CDKL5: variants seen among roughly 807,000 people sequenced by gnomAD.
CDKL5 encodes cyclin dependent kinase like 5.
Under a neutral mutation model 61.7 loss-of-function variants are expected in CDKL5, and 8 were observed. The observed-to-expected ratio is 0.13, with a 90% CI of 0.08 to 0.23. The LOEUF is 0.23. Ranked by LOEUF, CDKL5 falls within the 10% of genes least tolerant of loss-of-function variation. The pLI, the probability that CDKL5 is intolerant of heterozygous loss-of-function variation, is 1.00. For missense variants in CDKL5, 440 were observed against 734.5 expected, an observed-to-expected ratio of 0.60 and a Z score of 4.63; for synonymous variants, 275 against 272.3, an observed-to-expected ratio of 1.01 and a Z score of -0.10.
intron 1 of CDKL5, among the ~76,000 whole-genome samples, chrX:18,438,191 G>A (rs1349413422): frequency 3.6e-5 from 4 of 110,526 alleles, no homozygotes; most frequent in South Asian, 7.8e-4. Context: ...TCAGCCTCCC[G>A]AGTAGCTGGG....
chrX:18,611,025 A>G (rs1264743244), intron 14 of CDKL5, among the ~76,000 whole-genome samples: 3 of 112,340 alleles, frequency 2.7e-5, no homozygotes, highest in Non-Finnish European at 5.6e-5. Context: ...GACTAAATGT[A>G]TATTTAATGA....
chrX:18,568,768 A>G (rs1925048563), intron 4 of CDKL5, among the ~76,000 whole-genome samples: 1 of 110,486 alleles, frequency 9.1e-6, no homozygotes, highest in African/African-American at 3.3e-5. Context: ...GTCATGGCTC[A>G]GTGCAGCCTT....
chrX:18,506,960 G>T lies in CDKL5; in HGVS notation c.-137G>T. 2.0e-6 allele frequency: 1 copy of T among 509,912 alleles called. No homozygotes were observed. Among genetic ancestry groups the T allele is most frequent in the South Asian group, 2.7e-5 (1 of 36,493 alleles). The allele number at this position is 509,912 out of a possible 1,213,427, so 42.0% of individuals were successfully genotyped here. The stretch of plus-strand genomic sequence containing the variant: ...GGAGTCATTTAATACTTCATGATTA[G>T]AACAAATATGTGAAAGTTCCCACCA... On this transcript the variant is annotated 5_prime_UTR_variant, in exon 2 of 18. Coordinates refer to ENST00000623535, the MANE Select transcript of CDKL5 (RefSeq NM_001323289.2).
rs755597463 is a variant in CDKL5 at position 18,650,267 on chromosome X, G to A, written c.2798-143G>A. The A allele has an allele frequency of 1.5e-4, 82 of 552,618 alleles. 1 individual carries two copies. In the South Asian group the frequency reaches 1.6e-3, roughly 11 times the overall value. The allele number at this position is 552,618 out of a possible 1,213,427, so 45.5% of individuals were successfully genotyped here. A position where few individuals can be genotyped will look rare whatever the true frequency, so the allele number is the denominator to read the frequency against. On this transcript the variant is annotated intron_variant, in intron 20 of 21. Transcript: ENST00000379989. ...GGCTCACTCTGCGATCTAAAGACCC[G>A]TGTGTCCAGACGTGGATGCTGTACT...
chrX:18,551,134 T>G (rs942744959), intron 3 of CDKL5, among the ~76,000 whole-genome samples: 5 of 112,195 alleles, frequency 4.5e-5, no homozygotes, highest in Non-Finnish European at 9.4e-5. Flanking sequence ...CATTTTTCAT[T>G]TTGATAACTA....
rs1392508662 is a variant in CDKL5, at chrX:18,574,155, C to G, written c.146-1199C>G. ...CAGCTCTCAAGCTAGGATTCTGGCC[C>G]TTACCCAAAAGCTTGTGGCTACATG... On this transcript the variant is annotated intron_variant, in intron 4 of 17. Coordinates refer to ENST00000623535, the MANE Select transcript of CDKL5 (RefSeq NM_001323289.2). Among the ~76,000 whole-genome samples, 3 of 111,785 alleles carry G rather than the reference C, an allele frequency of 2.7e-5. No individual in the cohort carries two copies. The East Asian group carries it at 8.4e-4, about 31-fold the overall frequency.
chrX:18,556,845 T>C (rs1416239132), intron 3 of CDKL5, among the ~76,000 whole-genome samples: 6 of 84,867 alleles, frequency 7.1e-5, no homozygotes, highest in African/African-American at 2.9e-4. Flanking sequence ...ACCACGCCAC[T>C]GCACTCCAGC....
intron 3 of CDKL5, among the ~76,000 whole-genome samples, chrX:18,530,116 C>A (rs1254526747): frequency 6.5e-5 from 7 of 107,513 alleles, no homozygotes; most frequent in African/African-American, 2.4e-4. Context: ...ATCACAAGGT[C>A]AAAAGATCGA....
chrX:18,504,052 C>CA (rs1319458800), intron 1 of CDKL5, among the ~76,000 whole-genome samples: 2 of 111,079 alleles, frequency 1.8e-5, no homozygotes, highest in Non-Finnish European at 3.8e-5. Context: ...CTGTGCCTGG[C>CA]TAGGATGTTT....
intron 1 of CDKL5, among the ~76,000 whole-genome samples, chrX:18,433,404 G>T (rs1157130388): frequency 1.8e-5 from 2 of 111,391 alleles, no homozygotes. Context: ...TACAAAATTA[G>T]CCGGGCCTGG....
At chrX:18,486,871 C>T (rs1020134945) in intron 1 of CDKL5, among the ~76,000 whole-genome samples, 48 of 110,661 alleles carry the variant, frequency 4.3e-4, no homozygotes, top group African/African-American at 1.4e-3. Context: ...ACCTTGTGGT[C>T]GAAGATATTG....
intron 2 of CDKL5, among the ~76,000 whole-genome samples, chrX:18,508,052 T>C (rs1922649196): frequency 8.9e-6 from 1 of 112,214 alleles, no homozygotes; most frequent in Non-Finnish European, 1.9e-5. Context: ...TTCTGATTTT[T>C]CCTGCTTAGT....
At chrX:18,478,286 CTT>C (rs199921816) in intron 1 of CDKL5, among the ~76,000 whole-genome samples, 191 of 64,886 alleles carry the variant, frequency 2.9e-3, no homozygotes, top group African/African-American at 0.011. Context: ...CTTTTCTTTC[CTT>C]TTTTTTTTTT....
intron 1 of CDKL5, among the ~76,000 whole-genome samples, chrX:18,450,886 T>G (rs2147635063): frequency 9.1e-6 from 1 of 110,488 alleles, no homozygotes; most frequent in East Asian, 2.8e-4. Context: ...TTTTTTTTTT[T>G]TTTAACATGC....
intron 1 of CDKL5, among the ~76,000 whole-genome samples, chrX:18,433,955 T>C (rs1315892574): frequency 1.8e-5 from 2 of 112,462 alleles, no homozygotes; most frequent in Non-Finnish European, 3.7e-5. Context: ...GCAGGCTTCA[T>C]CAAATTTAGG....
chrX:18,620,585 T>G (rs1926861703), intron 16 of CDKL5, among the ~76,000 whole-genome samples: 1 of 111,245 alleles, frequency 9.0e-6, no homozygotes, highest in African/African-American at 3.3e-5. Flanking sequence ...ATCACTTCAC[T>G]GAACCACCCA....
In CDKL5 at chrX:18,633,254, C is replaced by A. The variant is rs1041143848; in HGVS notation, c.*4497C>A. On this transcript the variant is annotated 3_prime_UTR_variant, in exon 18 of 18. Transcript: ENST00000623535. ...TGTGGTAGGGTACACTGAACCAAGTCAGAAAATAGTGAAATATTTCCTTGC... is the reference window on the plus strand; with the variant it reads ...TGTGGTAGGGTACACTGAACCAAGTAAGAAAATAGTGAAATATTTCCTTGC... 2.3e-5 allele frequency: 17 copies of A among 752,661 alleles called. No homozygotes were observed. The Admixed American group carries it at 2.6e-4, about 12-fold the overall frequency. 62.0% of individuals were successfully genotyped at this position (752,661 alleles called of 1,213,427 possible).
At chrX:18,479,787 C>T (rs1416206215) in intron 1 of CDKL5, among the ~76,000 whole-genome samples, 2 of 111,480 alleles carry the variant, frequency 1.8e-5, no homozygotes, top group Non-Finnish European at 1.9e-5. Flanking sequence ...AGGTTCTGTT[C>T]ATTTTTCATT....
intron 6 of CDKL5, among the ~76,000 whole-genome samples, chrX:18,581,455 A>G (rs1354810124): frequency 8.9e-6 from 1 of 112,178 alleles, no homozygotes; most frequent in East Asian, 2.8e-4. Context: ...CATGTCTTGT[A>G]TGTCTTCTCC....
Sources: allele counts gnomAD v4.1 joint callset (sites outside exome capture counted in the v4.1 genomes callset), GRCh38; gene constraint gnomAD v4.1.1; transcripts MANE v1.5; gene names NCBI Gene and HGNC (gene_info 2026-07-23, HGNC 2026-07-21).